The following INO80C variants were observed in gnomAD, a reference collection of about 807,000 sequenced individuals.
INO80C encodes the protein INO80 complex subunit C.
A neutral mutation model predicts 17.7 loss-of-function variants in INO80C; 17 were observed. The observed-to-expected ratio is 0.96, with a 90% CI of 0.66 to 1.44. INO80C has a LOEUF of 1.44. Ranked by LOEUF, INO80C falls within the 40% of genes most tolerant of loss-of-function variation. The pLI is 0.00. For synonymous variants in INO80C, 96 were observed against 95.8 expected (o/e 1.00, Z -0.01); for missense variants, 244 against 245.0 (o/e 1.00, Z 0.03).
intron 1 of INO80C, among the ~76,000 whole-genome samples, chr18:35,497,057 TAAA>T (rs1402632026): frequency 1.3e-5 from 2 of 152,196 alleles, no homozygotes; most frequent in Admixed American, 1.3e-4. Flanking sequence ...TTGCTTTGAA[TAAA>T]ATGCAGGAGC....
intron 3 of INO80C, 128 bp downstream of exon 3, chr18:35,479,172 C>A: frequency 1.6e-6 from 1 of 625,720 alleles, no homozygotes; most frequent in East Asian, 2.8e-5. Flanking sequence ...AGACTGATGC[C>A]ACTATAAAAT....
intron 1 of INO80C, among the ~76,000 whole-genome samples, chr18:35,484,697 C>T (rs972384804): frequency 2.6e-5 from 4 of 152,176 alleles, no homozygotes; most frequent in African/African-American, 7.2e-5. Flanking sequence ...CACTATGCTA[C>T]TTTATTTATA....
At chr18:35,497,339 C>A in intron 1 of INO80C, 2 of 985,350 alleles carry the variant, frequency 2.0e-6, no homozygotes, top group Non-Finnish European at 2.4e-6. Flanking sequence ...CATTACAGCG[C>A]TATGCGCCTC....
chr18:35,468,811 A>T, intron 4 of INO80C, 69 bp from the exon 5 acceptor site: 1 of 1,457,966 alleles, frequency 6.9e-7, no homozygotes, highest in Non-Finnish European at 9.5e-7. Flanking sequence ...GTTCAAGTTT[A>T]AAAATTTTTT....
intron 1 of INO80C, among the ~76,000 whole-genome samples, chr18:35,493,186 A>T (rs1157718014): frequency 1.3e-5 from 2 of 152,226 alleles, no homozygotes; most frequent in Admixed American, 6.5e-5. Context: ...ATTAAATGAC[A>T]TAGTACTTAG....
intron 4 of INO80C, among the ~76,000 whole-genome samples, chr18:35,474,160 CAT>C (rs34417349): frequency 0.24 from 23,894 of 101,582 alleles, 2,786 homozygotes; most frequent in Middle Eastern, 0.37. Flanking sequence ...TTAAAATATA[CAT>C]ATATATATAT....
intron 4 of INO80C, among the ~76,000 whole-genome samples, chr18:35,470,630 C>T (rs922830813): frequency 3.3e-5 from 5 of 152,218 alleles, no homozygotes; most frequent in Non-Finnish European, 4.4e-5. Context: ...CTCCTACCAG[C>T]AAACTGTGCT....
chr18:35,476,200 G>C (rs970128417), intron 4 of INO80C, among the ~76,000 whole-genome samples: 1 of 152,150 alleles, frequency 6.6e-6, no homozygotes, highest in Non-Finnish European at 1.5e-5. Flanking sequence ...AACATCAGAG[G>C]AATTCCAGTA....
At chr18:35,481,765 A>T (rs370989757) in intron 1 of INO80C, among the ~76,000 whole-genome samples, 10 of 152,154 alleles carry the variant, frequency 6.6e-5, no homozygotes, top group East Asian at 5.8e-4. Context: ...GTGCCTGTAG[A>T]CCCAGCTACT....
intron 1 of INO80C, among the ~76,000 whole-genome samples, chr18:35,482,270 A>C (rs1441666244): frequency 6.6e-6 from 1 of 152,212 alleles, no homozygotes; most frequent in Non-Finnish European, 1.5e-5. Flanking sequence ...TAACTAAATC[A>C]CAGCTTATCT....
intron 1 of INO80C, among the ~76,000 whole-genome samples, chr18:35,483,044 G>A (rs1473944963): frequency 2.6e-5 from 4 of 152,098 alleles, no homozygotes; most frequent in Admixed American, 6.5e-5. Context: ...TTTCTGGTGC[G>A]ATATCCATTT....
chr18:35,488,154 T>C (rs1222388245), intron 1 of INO80C, among the ~76,000 whole-genome samples: 1 of 152,198 alleles, frequency 6.6e-6, no homozygotes, highest in Non-Finnish European at 1.5e-5. Context: ...AGTCACACAG[T>C]GCAAGCTGTT....
At chr18:35,476,473 T>C (rs2045737553) in intron 4 of INO80C, among the ~76,000 whole-genome samples, 1 of 152,254 alleles carries the variant, frequency 6.6e-6, no homozygotes, top group Non-Finnish European at 1.5e-5. Context: ...TTGGGTTATA[T>C]GGGCACTTTC....
intron 4 of INO80C, among the ~76,000 whole-genome samples, chr18:35,471,562 T>C (rs2045670103): frequency 6.6e-6 from 1 of 152,226 alleles, no homozygotes; most frequent in South Asian, 2.1e-4. Context: ...CGGTCTCTCA[T>C]AAGCATTTCT....
chr18:35,477,548 C>A (rs1016846951), intron 4 of INO80C, among the ~76,000 whole-genome samples: 2 of 152,174 alleles, frequency 1.3e-5, no homozygotes, highest in African/African-American at 4.8e-5. Flanking sequence ...TTAAAAGAAT[C>A]TCTAAGTTCA....
chr18:35,482,755 C>T (rs2045826875), intron 1 of INO80C, among the ~76,000 whole-genome samples: 1 of 152,182 alleles, frequency 6.6e-6, no homozygotes, highest in Non-Finnish European at 1.5e-5. Flanking sequence ...CTCCCACCCT[C>T]CCTTCCGCAC....
At chr18:35,472,003 T>G (rs1308249363) in intron 4 of INO80C, among the ~76,000 whole-genome samples, 1 of 152,186 alleles carries the variant, frequency 6.6e-6, no homozygotes, top group East Asian at 1.9e-4. Context: ...AGTCTATCGT[T>G]GTTGGACATT....
At chr18:35,487,423 G>C (rs937654261) in intron 1 of INO80C, 5 of 385,860 alleles carry the variant, frequency 1.3e-5, no homozygotes, top group Non-Finnish European at 2.6e-5. Flanking sequence ...AATCATGGCG[G>C]AAGGCAAGAG....
intron 1 of INO80C, among the ~76,000 whole-genome samples, chr18:35,490,019 A>T (rs1411692350): frequency 1.3e-5 from 2 of 151,970 alleles, no homozygotes; most frequent in African/African-American, 4.8e-5. Flanking sequence ...ACAGTGACCA[A>T]GTGAAGCCTC....
Sources: gnomAD v4.1 joint callset for allele counts (sites outside exome capture counted in the v4.1 genomes callset) on GRCh38, gnomAD v4.1.1 for gene constraint, MANE v1.5 for transcripts, NCBI Gene and HGNC (gene_info 2026-07-23, HGNC 2026-07-21) for gene names.